Variants in PAN3 observed in about 807,000 individuals in gnomAD.
PAN3 encodes the protein poly(A) specific ribonuclease subunit PAN3, also known as PAN2-PAN3 deadenylation complex subunit PAN3.
PAN3 carries 19 observed loss-of-function variants against 96.2 expected under a neutral mutation model. The observed-to-expected ratio is 0.20, with a 90% CI of 0.14 to 0.29. The LOEUF (loss-of-function observed/expected upper bound fraction) is 0.29, where lower values mean the gene tolerates loss of function less well. Ranked by LOEUF, PAN3 falls within the 10% of genes least tolerant of loss-of-function variation. The pLI is 1.00. For synonymous variants in PAN3, 433 were observed against 406.6 expected (o/e 1.06, Z -0.78); for missense variants, 882 against 1,108.1 (o/e 0.80, Z 2.90).
chr13:28,215,614 C>A (rs1450740938), intron 5 of PAN3: 2 of 977,290 alleles, frequency 2.0e-6, no homozygotes, highest in African/African-American at 1.6e-5. Flanking sequence ...GCCCATGTTG[C>A]ATCCAGGTTT....
chr13:28,264,502 C>T (rs1886000292), intron 9 of PAN3, among the ~76,000 whole-genome samples: 1 of 151,920 alleles, frequency 6.6e-6, no homozygotes, highest in South Asian at 2.1e-4. Flanking sequence ...CCATTGCGCT[C>T]CATCCTGGGA....
chr13:28,283,464 C>T (rs1462613720), intron 17 of PAN3, among the ~76,000 whole-genome samples: 1 of 152,160 alleles, frequency 6.6e-6, no homozygotes, highest in Non-Finnish European at 1.5e-5. Flanking sequence ...CTGACATCCC[C>T]AATATCTATT....
At chr13:28,157,001 A>AAAAAAAAAAAAAAAAAAAAAAAAAAAAAC (rs1872261803) in intron 1 of PAN3, among the ~76,000 whole-genome samples, 1 of 148,606 alleles carries the variant, frequency 6.7e-6, no homozygotes, top group Non-Finnish European at 1.5e-5. Context: ...TCAAAAAAAA[A>AAAAAAAAAAAAAAAAAAAAAAAAAAAAAC]AAAAAAAAAA....
intron 1 of PAN3, among the ~76,000 whole-genome samples, chr13:28,166,929 A>C (rs1263419522): frequency 1.3e-5 from 2 of 152,202 alleles, no homozygotes; most frequent in East Asian, 1.9e-4. Context: ...TTTGTGCTCA[A>C]GGCTCTGCCA....
intron 17 of PAN3, among the ~76,000 whole-genome samples, chr13:28,284,463 C>T (rs1409559688): frequency 6.6e-6 from 1 of 150,408 alleles, no homozygotes; most frequent in African/African-American, 2.5e-5. Context: ...TTCTTCTTTG[C>T]TTCTGGATTT....
intron 1 of PAN3, among the ~76,000 whole-genome samples, chr13:28,151,161 A>G (rs1300854763): frequency 6.6e-6 from 1 of 152,120 alleles, no homozygotes; most frequent in Non-Finnish European, 1.5e-5. Flanking sequence ...AGGAACAGGG[A>G]AGAATTAGGA....
At chr13:28,230,489 A>G (rs377031672) in intron 6 of PAN3, among the ~76,000 whole-genome samples, 20 of 152,274 alleles carry the variant, frequency 1.3e-4, no homozygotes, top group African/African-American at 4.8e-4. Context: ...ACACTTTAAT[A>G]TGTATGTTTT....
chr13:28,149,826 A>G (rs1237695049), intron 1 of PAN3, among the ~76,000 whole-genome samples: 9 of 152,122 alleles, frequency 5.9e-5, no homozygotes, highest in African/African-American at 1.9e-4. Flanking sequence ...TGTGTTGCCC[A>G]GGATGGTCTT....
chr13:28,232,042 G>A (rs1882620786), intron 6 of PAN3, among the ~76,000 whole-genome samples: 1 of 151,992 alleles, frequency 6.6e-6, no homozygotes, highest in Non-Finnish European at 1.5e-5. Flanking sequence ...GCAGTCATAA[G>A]GTAAACATTT....
intron 4 of PAN3, among the ~76,000 whole-genome samples, chr13:28,191,004 C>T (rs1354436265): frequency 6.6e-6 from 1 of 152,140 alleles, no homozygotes; most frequent in Non-Finnish European, 1.5e-5. Context: ...ACTGGTCAGG[C>T]TATCAAGAAT....
At chr13:28,224,582 G>A (rs1281191762) in intron 6 of PAN3, among the ~76,000 whole-genome samples, 2 of 152,112 alleles carry the variant, frequency 1.3e-5, no homozygotes, top group Admixed American at 6.5e-5. Flanking sequence ...GATGAAAATA[G>A]TGCAGTTTTT....
chr13:28,288,254 A>G, intron 18 of PAN3, 132 bp downstream of exon 18: 1 of 788,426 alleles, frequency 1.3e-6, no homozygotes, highest in Non-Finnish European at 1.9e-6. Flanking sequence ...CGTTTTATTA[A>G]TAACATTTTC....
intron 5 of PAN3, among the ~76,000 whole-genome samples, chr13:28,216,359 A>C (rs1461512580): frequency 6.6e-6 from 1 of 152,202 alleles, no homozygotes; most frequent in African/African-American, 2.4e-5. Context: ...AGAGGGGTTT[A>C]TAAGAGGCCT....
intron 6 of PAN3, among the ~76,000 whole-genome samples, chr13:28,229,689 C>T (rs45566932): frequency 1.1e-3 from 171 of 152,266 alleles, no homozygotes; most frequent in African/African-American, 4.0e-3. Flanking sequence ...GGCAAGCTTA[C>T]TTTGATCATT....
intron 9 of PAN3, among the ~76,000 whole-genome samples, chr13:28,266,477 G>GT (rs1418891974): frequency 2.0e-5 from 3 of 152,082 alleles, no homozygotes; most frequent in Non-Finnish European, 2.9e-5. Context: ...AAAAGGAAAT[G>GT]TTTTTGAATG....
chr13:28,171,515 T>G (rs573899797), intron 1 of PAN3, among the ~76,000 whole-genome samples: 1 of 152,328 alleles, frequency 6.6e-6, no homozygotes, highest in African/African-American at 2.4e-5. Flanking sequence ...CCGACTTGGC[T>G]ACAAATTGGG....
At chr13:28,255,087 G>C (rs886376886) in intron 6 of PAN3, among the ~76,000 whole-genome samples, 1 of 152,154 alleles carries the variant, frequency 6.6e-6, no homozygotes, top group Non-Finnish European at 1.5e-5. Flanking sequence ...TGAATTATTA[G>C]AAATTGAAAC....
intron 1 of PAN3, among the ~76,000 whole-genome samples, chr13:28,152,565 CAA>C (rs1410295476): frequency 1.3e-5 from 2 of 150,482 alleles, no homozygotes; most frequent in Non-Finnish European, 3.0e-5. Context: ...GCTTGGGCAA[CAA>C]GAGTGAAACT....
intron 6 of PAN3, among the ~76,000 whole-genome samples, chr13:28,250,497 C>G (rs1035256300): frequency 4.6e-5 from 7 of 152,142 alleles, no homozygotes; most frequent in African/African-American, 1.4e-4. Flanking sequence ...TCCCAAGTAG[C>G]TGAAATTACA....
Sources: gnomAD v4.1 joint callset for allele counts (sites outside exome capture counted in the v4.1 genomes callset) on GRCh38, gnomAD v4.1.1 for gene constraint, MANE v1.5 for transcripts, NCBI Gene and HGNC (gene_info 2026-07-23, HGNC 2026-07-21) for gene names.